SFXN5: variants seen among roughly 807,000 people sequenced by gnomAD.
SFXN5 encodes the protein sideroflexin-5.
In SFXN5, 43 loss-of-function variants were observed where a neutral mutation model predicts 50.2. The observed-to-expected ratio is 0.86, with a 90% confidence interval of 0.67 to 1.11. SFXN5 has a LOEUF of 1.11. Among genes scored for constraint, SFXN5 ranks in the 50% least tolerant of loss-of-function variants. The pLI is 0.00. For synonymous variants in SFXN5, 203 were observed against 185.8 expected (o/e 1.09, Z -0.75); for missense variants, 463 against 454.1 (o/e 1.02, Z -0.18).
chr2:72,974,126 G>A (rs1670352737), intron 10 of SFXN5, among the ~76,000 whole-genome samples: 1 of 152,202 alleles, frequency 6.6e-6, no homozygotes, highest in South Asian at 2.1e-4. Context: ...GGGATTTCTG[G>A]GTGCTGGCTG....
chr2:73,062,517 C>T (rs748657130), intron 1 of SFXN5, among the ~76,000 whole-genome samples: 4 of 152,180 alleles, frequency 2.6e-5, no homozygotes, highest in Admixed American at 6.5e-5. Context: ...TGGTCTGGCA[C>T]GGTCTTCATC....
intron 10 of SFXN5, among the ~76,000 whole-genome samples, chr2:72,974,782 A>T (rs753075547): frequency 3.3e-5 from 5 of 151,294 alleles, no homozygotes; most frequent in Non-Finnish European, 7.4e-5. Flanking sequence ...GATCCTTCCC[A>T]TCCCACTCCT....
chr2:72,958,693 G>C (rs1185050461), intron 13 of SFXN5, among the ~76,000 whole-genome samples: 1 of 49,248 alleles, frequency 2.0e-5, no homozygotes, highest in Non-Finnish European at 3.5e-5. Flanking sequence ...AGAGACCACT[G>C]AGAAATACCC....
intron 3 of SFXN5, among the ~76,000 whole-genome samples, chr2:73,026,476 GACAAACCACATAT>G (rs1677572014): frequency 6.6e-6 from 1 of 151,996 alleles, no homozygotes. Flanking sequence ...TTTGGTCAAT[GACAAACCACATAT>G]ACAATAGTGG....
intron 3 of SFXN5, 97 bp downstream of exon 3, chr2:73,040,757 G>T: frequency 1.0e-6 from 1 of 959,752 alleles, no homozygotes; most frequent in Non-Finnish European, 1.6e-6. Flanking sequence ...GTATATGCTG[G>T]ACGAAAGAAG....
chr2:73,027,901 A>G (rs1677790223), intron 3 of SFXN5, among the ~76,000 whole-genome samples: 1 of 152,032 alleles, frequency 6.6e-6, no homozygotes, highest in Admixed American at 6.6e-5. Context: ...GGCTCAAGCA[A>G]TCCTCCCACT....
At chr2:73,058,711 G>A (rs948307187) in intron 1 of SFXN5, 115 bp from the exon 2 acceptor site, 18 of 897,684 alleles carry the variant, frequency 2.0e-5, no homozygotes, top group African/African-American at 1.3e-4. Flanking sequence ...AGGACTCCTC[G>A]TGTGGGTGAT....
chr2:72,996,876 A>C (rs1371533436), intron 9 of SFXN5: 1 of 152,218 alleles, frequency 6.6e-6, no homozygotes, highest in Non-Finnish European at 1.5e-5. Context: ...AGTCTCAAAA[A>C]AAGGAAGGGG....
Position 73,059,538 on chromosome 2 carries a change from T to C in SFXN5, c.103-942A>G, listed in dbSNP as rs188279311. 5.4e-4 allele frequency: 532 copies of C among 985,232 alleles called. 1 individual carries two copies. Among genetic ancestry groups the C allele is most frequent in the Admixed American group, 8.6e-4 (14 of 16,266 alleles). 61.0% of individuals were successfully genotyped at this position (985,232 alleles called of 1,614,324 possible). ...AATTCCTGTTCCTTTCCCTTCCCAATAAGGACCCTGCAATAGGCTCCAGGT... is the reference window on the plus strand; with the variant it reads ...AATTCCTGTTCCTTTCCCTTCCCAACAAGGACCCTGCAATAGGCTCCAGGT... On this transcript the variant is annotated intron_variant, in intron 1 of 13. Coordinates refer to ENST00000272433, the MANE Select transcript of SFXN5 (RefSeq NM_144579.3).
chr2:72,954,487 G>C (rs1672859898), intron 13 of SFXN5, among the ~76,000 whole-genome samples: 1 of 152,168 alleles, frequency 6.6e-6, no homozygotes, highest in Non-Finnish European at 1.5e-5. Flanking sequence ...CTCCTGGCCA[G>C]TGAACCTCAC....
intron 1 of SFXN5, among the ~76,000 whole-genome samples, chr2:73,069,371 G>A (rs1228642783): frequency 6.6e-6 from 1 of 152,144 alleles, no homozygotes; most frequent in Non-Finnish European, 1.5e-5. Context: ...TAAGATCACT[G>A]GGCCTCTGGT....
intron 10 of SFXN5, among the ~76,000 whole-genome samples, chr2:72,977,668 C>A (rs1363355458): frequency 6.6e-6 from 1 of 152,104 alleles, no homozygotes; most frequent in East Asian, 1.9e-4. Context: ...CTGGTATATA[C>A]ATTTTGTGTT....
chr2:73,042,239 C>T (rs546430496), intron 2 of SFXN5, among the ~76,000 whole-genome samples: 1 of 152,122 alleles, frequency 6.6e-6, no homozygotes, highest in Non-Finnish European at 1.5e-5. Flanking sequence ...ATTTATATAG[C>T]CCCAAACTGC....
chr2:73,060,514 G>C (rs1682672322), intron 1 of SFXN5, among the ~76,000 whole-genome samples: 1 of 152,010 alleles, frequency 6.6e-6, no homozygotes, highest in South Asian at 2.1e-4. Flanking sequence ...AGAAACTAAA[G>C]AGACAACTAG....
intron 8 of SFXN5, 141 bp downstream of exon 8, chr2:73,000,290 G>A (rs534254012): frequency 1.3e-6 from 1 of 795,730 alleles, no homozygotes; most frequent in South Asian, 1.8e-5. Flanking sequence ...CTGAAGGGCT[G>A]GCATTTTAAA....
At chr2:73,047,906 A>G (rs781430043) in intron 2 of SFXN5, among the ~76,000 whole-genome samples, 60 of 152,216 alleles carry the variant, frequency 3.9e-4, no homozygotes, top group Non-Finnish European at 6.0e-4. Context: ...CTGTAAGAGG[A>G]TATTTATTGC....
chr2:73,025,023 A>C (rs1677380318), intron 3 of SFXN5, among the ~76,000 whole-genome samples: 1 of 152,156 alleles, frequency 6.6e-6, no homozygotes, highest in Admixed American at 6.6e-5. Flanking sequence ...GATTAGAAGC[A>C]GTCGATGTTT....
intron 1 of SFXN5, 62 bp downstream of exon 1, chr2:73,071,542 G>A: frequency 6.7e-7 from 1 of 1,496,802 alleles, no homozygotes; most frequent in Non-Finnish European, 9.2e-7. Context: ...GGACTTTGGA[G>A]GGGAGTTTGC....
intron 6 of SFXN5, chr2:73,019,799 A>G (rs1054524941): frequency 6.1e-6 from 1 of 162,896 alleles, no homozygotes; most frequent in Non-Finnish European, 1.3e-5. Flanking sequence ...TGTATGTTTT[A>G]TTCCAATAAA....
Sources: gnomAD v4.1 joint callset for allele counts (sites outside exome capture counted in the v4.1 genomes callset) on GRCh38, gnomAD v4.1.1 for gene constraint, MANE v1.5 for transcripts, NCBI Gene and HGNC (gene_info 2026-07-23, HGNC 2026-07-21) for gene names.